Variants in USP12 observed in about 807,000 individuals in gnomAD.
The protein encoded by USP12 is ubiquitin carboxyl-terminal hydrolase 12.
In USP12, 19 loss-of-function variants were observed where a neutral mutation model predicts 45.5. The ratio of observed to expected loss-of-function variants is 0.42; its 90% confidence interval spans 0.29 to 0.61. The LOEUF is 0.61. Among genes scored for constraint, USP12 ranks in the 20% least tolerant of loss-of-function variants. The pLI is 0.22. For synonymous variants in USP12, 149 were observed against 148.8 expected, an observed-to-expected ratio of 1.00 and a Z score of -0.01; for missense variants, 242 against 447.7, an observed-to-expected ratio of 0.54 and a Z score of 4.15.
intron 1 of USP12, among the ~76,000 whole-genome samples, chr13:27,148,795 TAC>T (rs58820564): frequency 7.1e-6 from 1 of 141,732 alleles, no homozygotes; most frequent in African/African-American, 2.7e-5. Context: ...ATCATCTTAA[TAC>T]ACACACACAC....
chr13:27,078,840 C>T (rs766684924), intron 6 of USP12, among the ~76,000 whole-genome samples: 2 of 151,986 alleles, frequency 1.3e-5, no homozygotes, highest in Admixed American at 1.3e-4. Flanking sequence ...TATGAACACC[C>T]TAACTATGGA....
chr13:27,075,257 G>A lies in USP12; in HGVS notation c.866C>T (p.Thr289Ile), dbSNP rs1294674618. 1 of 1,614,022 alleles carries A rather than the reference G, an allele frequency of 6.2e-7. No homozygotes were observed. Among genetic ancestry groups the A allele is most frequent in the South Asian group, 1.1e-5 (1 of 91,074 alleles). ...GTCTGGATTGGTGGCATCACCTGAAGTGTTAAACAGACGAAGTTCTAAAGG... is the reference window on the plus strand; with the variant it reads ...GTCTGGATTGGTGGCATCACCTGAAATGTTAAACAGACGAAGTTCTAAAGG... ...VFPLELRLFN[T>I]SGDATNPDRM... Residue 289 changes from threonine to isoleucine, a missense_variant, in exon 7 of 9, where the codon ACT (threonine) becomes ATT (isoleucine). By Grantham distance (89) the Thr-to-Ile change is moderately conservative (BLOSUM62 -1). Transcript: ENST00000282344.
chr13:27,069,539 A>T (rs1873142879), intron 8 of USP12, among the ~76,000 whole-genome samples, 155 bp from the exon 9 acceptor site: 1 of 152,240 alleles, frequency 6.6e-6, no homozygotes, highest in African/African-American at 2.4e-5. Flanking sequence ...AAAAATGTTT[A>T]TAAATACCTA....
chr13:27,115,667 G>A (rs959707048), intron 2 of USP12, among the ~76,000 whole-genome samples: 1 of 152,144 alleles, frequency 6.6e-6, no homozygotes, highest in African/African-American at 2.4e-5. Flanking sequence ...TAACATTCAG[G>A]TAAAACTTCT....
chr13:27,127,986 T>C (rs1420851978), intron 1 of USP12, among the ~76,000 whole-genome samples: 1 of 152,246 alleles, frequency 6.6e-6, no homozygotes, highest in Admixed American at 6.5e-5. Context: ...ATGTTCCTAT[T>C]AGACATGTCA....
At chr13:27,076,029 CAAA>C (rs11458818) in intron 6 of USP12, among the ~76,000 whole-genome samples, 3 of 98,034 alleles carry the variant, frequency 3.1e-5, no homozygotes, top group Non-Finnish European at 2.0e-5. Context: ...GGCTCCGTCT[CAAA>C]AAAAAAAAAA....
intron 2 of USP12, among the ~76,000 whole-genome samples, chr13:27,109,425 C>G (rs1565992678): frequency 6.6e-6 from 1 of 152,106 alleles, no homozygotes; most frequent in Non-Finnish European, 1.5e-5. Context: ...AGTCAACAGT[C>G]AGGCAATGAA....
chr13:27,105,264 T>A (rs936806836), intron 3 of USP12, among the ~76,000 whole-genome samples: 5 of 152,162 alleles, frequency 3.3e-5, no homozygotes, highest in Non-Finnish European at 5.9e-5. Context: ...TTCCCCGGAG[T>A]GTGGCTCCTG....
intron 4 of USP12, among the ~76,000 whole-genome samples, chr13:27,093,064 C>T (rs1293004909): frequency 1.3e-5 from 2 of 151,914 alleles, no homozygotes; most frequent in East Asian, 1.9e-4. Flanking sequence ...GGCGTGGTGG[C>T]GCGTGCCTGT....
At chr13:27,135,587 C>T (rs1413895296) in intron 1 of USP12, among the ~76,000 whole-genome samples, 1 of 152,054 alleles carries the variant, frequency 6.6e-6, no homozygotes, top group Non-Finnish European at 1.5e-5. Flanking sequence ...TGGCAGCACA[C>T]GCCTGTAATC....
intron 6 of USP12, among the ~76,000 whole-genome samples, chr13:27,076,991 A>C (rs1374621842): frequency 6.6e-6 from 1 of 152,212 alleles, no homozygotes; most frequent in African/African-American, 2.4e-5. Context: ...GTATAATCTC[A>C]AAAACATCCC....
intron 1 of USP12, among the ~76,000 whole-genome samples, chr13:27,127,349 C>CA (rs1876289312): frequency 6.6e-6 from 1 of 152,082 alleles, no homozygotes; most frequent in Non-Finnish European, 1.5e-5. Flanking sequence ...TATATGGTAC[C>CA]AATGACATAA....
At chr13:27,069,442 T>G in intron 8 of USP12, 58 bp from the exon 9 acceptor site, 1 of 1,283,300 alleles carries the variant, frequency 7.8e-7, no homozygotes. Flanking sequence ...CCAGAATGGC[T>G]TAAATTTAAA....
At chr13:27,110,106 A>C (rs777766728) in intron 2 of USP12, among the ~76,000 whole-genome samples, 1 of 134,348 alleles carries the variant, frequency 7.4e-6, no homozygotes, top group Non-Finnish European at 1.5e-5. Context: ...TGCCATGATG[A>C]CTAGGATTTC....
chr13:27,170,568 T>C (rs1422936877), intron 1 of USP12, among the ~76,000 whole-genome samples: 3 of 152,270 alleles, frequency 2.0e-5, no homozygotes, highest in Non-Finnish European at 2.9e-5. Flanking sequence ...TGTCTCATCA[T>C]GTGGAAAACT....
At chr13:27,113,598 C>G (rs924479746) in intron 2 of USP12, among the ~76,000 whole-genome samples, 1 of 152,216 alleles carries the variant, frequency 6.6e-6, no homozygotes, top group Non-Finnish European at 1.5e-5. Context: ...ACCCTATGTT[C>G]TTACTCCACT....
In USP12 at chr13:27,171,704, G is replaced by T; in HGVS notation, c.-65C>A. On this transcript the variant is annotated 5_prime_UTR_variant, in exon 1 of 9. Coordinates refer to ENST00000282344, the MANE Select transcript of USP12 (RefSeq NM_182488.4). ...GCGGGCGGGGGAGGAGGGGAGCCGG[G>T]CCGCCCGCTCGCACCGCAGCCCGCG... The T allele has an allele frequency of 9.3e-7, 1 of 1,081,026 alleles. No individual in the cohort carries two copies. Among genetic ancestry groups the T allele is most frequent in the Non-Finnish European group, 1.2e-6 (1 of 854,004 alleles). 67.0% of individuals were successfully genotyped at this position (1,081,026 alleles called of 1,614,324 possible).
At chr13:27,082,202 G>C (rs1232924958) in intron 6 of USP12, among the ~76,000 whole-genome samples, 1 of 152,156 alleles carries the variant, frequency 6.6e-6, no homozygotes, top group Non-Finnish European at 1.5e-5. Context: ...CTGTTGTTTA[G>C]TGTAGCCACC....
chr13:27,148,401 C>T (rs1877406053), intron 1 of USP12, among the ~76,000 whole-genome samples: 1 of 151,542 alleles, frequency 6.6e-6, no homozygotes, highest in African/African-American at 2.4e-5. Context: ...ATAGGCCAGG[C>T]ATGGTGACTC....
Sources: allele counts gnomAD v4.1 joint callset (sites outside exome capture counted in the v4.1 genomes callset), GRCh38; gene constraint gnomAD v4.1.1; transcripts MANE v1.5; gene names NCBI Gene and HGNC (gene_info 2026-07-23, HGNC 2026-07-21).